Variants in FMN2 observed in about 807,000 individuals in gnomAD.
The protein encoded by FMN2 is formin 2.
In FMN2, 51 loss-of-function variants were observed where a neutral mutation model predicts 142.3. That is an observed-to-expected ratio of 0.36 (90% CI 0.29 to 0.45). The LOEUF (loss-of-function observed/expected upper bound fraction) is 0.45. Ranked by LOEUF, FMN2 falls within the 20% of genes least tolerant of loss-of-function variation. The probability of loss-of-function intolerance (pLI) is 1.00; values close to 1 mark genes in which losing one functional copy is unlikely to be tolerated. For missense variants in FMN2, 1,936 were observed against 2,122.8 expected (o/e 0.91, Z 1.73); for synonymous variants, 882 against 869.8 (o/e 1.01, Z -0.25).
intron 7 of FMN2, chr1:240,285,308 A>G (rs761934199): frequency 2.6e-5 from 12 of 455,192 alleles, no homozygotes; most frequent in Non-Finnish European, 4.9e-5. Context: ...AGTTCCTCTG[A>G]ACACCAAGCA....
chr1:240,144,809 T>C, intron 2 of FMN2: 2 of 1,432,352 alleles, frequency 1.4e-6, no homozygotes, highest in East Asian at 4.6e-5. Context: ...GACGATTTCC[T>C]TCACCAGAGT....
chr1:240,152,403 C>T (rs1369633312), intron 2 of FMN2, among the ~76,000 whole-genome samples: 1 of 152,114 alleles, frequency 6.6e-6, no homozygotes, highest in East Asian at 1.9e-4. Context: ...AAATTCACCC[C>T]ACTCTAATTC....
chr1:240,423,407 A>C (rs1256610694), intron 15 of FMN2, among the ~76,000 whole-genome samples: 1 of 152,230 alleles, frequency 6.6e-6, no homozygotes, highest in Non-Finnish European at 1.5e-5. Flanking sequence ...GCACAATAAA[A>C]AACGCAAAAG....
intron 15 of FMN2, among the ~76,000 whole-genome samples, chr1:240,421,386 C>A (rs750453624): frequency 6.6e-6 from 1 of 152,090 alleles, no homozygotes; most frequent in African/African-American, 2.4e-5. Context: ...TAATATAACA[C>A]GTTCAAATTA....
At chr1:240,376,961 C>A (rs1046982904) in intron 14 of FMN2, among the ~76,000 whole-genome samples, 1 of 152,062 alleles carries the variant, frequency 6.6e-6, no homozygotes, top group African/African-American at 2.4e-5. Context: ...TGTCATTCTC[C>A]CTTCTGTTGT....
chr1:240,185,248 A>C (rs1474518476), intron 3 of FMN2, among the ~76,000 whole-genome samples: 1 of 145,874 alleles, frequency 6.9e-6, no homozygotes, highest in Admixed American at 6.9e-5. Context: ...CTTTTTCCTT[A>C]TCATGTATTT....
At chr1:240,376,799 TC>T (rs1673061080) in intron 14 of FMN2, among the ~76,000 whole-genome samples, 1 of 152,178 alleles carries the variant, frequency 6.6e-6, no homozygotes, top group Non-Finnish European at 1.5e-5. Flanking sequence ...CTATATTTCA[TC>T]TTATTTCCAC....
intron 8 of FMN2, among the ~76,000 whole-genome samples, chr1:240,323,050 T>C (rs1456431977): frequency 6.6e-6 from 1 of 152,144 alleles, no homozygotes; most frequent in Non-Finnish European, 1.5e-5. Flanking sequence ...TTTTAGTTCC[T>C]TTTCTTCTCT....
At chr1:240,442,428 T>A (rs1446140944) in intron 16 of FMN2, among the ~76,000 whole-genome samples, 1 of 152,190 alleles carries the variant, frequency 6.6e-6, no homozygotes, top group Non-Finnish European at 1.5e-5. Context: ...TGATCAACAG[T>A]TCCCTTCAGA....
At chr1:240,302,789 A>T (rs1044529355) in intron 8 of FMN2, among the ~76,000 whole-genome samples, 2 of 152,092 alleles carry the variant, frequency 1.3e-5, no homozygotes, top group African/African-American at 2.4e-5. Flanking sequence ...CCTGATATCT[A>T]AGTATAACTA....
intron 13 of FMN2, among the ~76,000 whole-genome samples, chr1:240,355,387 A>T (rs1475938019): frequency 1.3e-5 from 2 of 152,186 alleles, no homozygotes; most frequent in Non-Finnish European, 2.9e-5. Context: ...GATACTGATG[A>T]TGATGGTGAT....
intron 2 of FMN2, among the ~76,000 whole-genome samples, chr1:240,175,672 G>A (rs990111139): frequency 6.6e-6 from 1 of 151,652 alleles, no homozygotes; most frequent in African/African-American, 2.4e-5. Context: ...GTAGAGATGA[G>A]GTTTTGCCAT....
chr1:240,098,016 A>ACTAGCTAAT (rs1661274669), intron 1 of FMN2, among the ~76,000 whole-genome samples: 1 of 151,862 alleles, frequency 6.6e-6, no homozygotes, highest in South Asian at 2.1e-4. Flanking sequence ...CTTTTGGAGG[A>ACTAGCTAAT]CTAGCTAATT....
At chr1:240,334,299 GTTTT>G in intron 13 of FMN2, 70 bp downstream of exon 13, 1 of 1,431,874 alleles carries the variant, frequency 7.0e-7, no homozygotes, top group Non-Finnish European at 9.2e-7. Context: ...ACTTTTCAAT[GTTTT>G]TAGAGAAAAG....
chr1:240,201,465 A>G (rs1666118705), intron 4 of FMN2, among the ~76,000 whole-genome samples: 1 of 152,192 alleles, frequency 6.6e-6, no homozygotes, highest in Non-Finnish European at 1.5e-5. Flanking sequence ...ATGATGTGAC[A>G]GATGTATTTA....
At chr1:240,343,129 C>T (rs6692418) in intron 13 of FMN2, among the ~76,000 whole-genome samples, 113,582 of 152,066 alleles carry the variant, frequency 0.75, 43,431 homozygotes, top group African/African-American at 0.91. Context: ...AAACCTGAGA[C>T]GGGGCTCATT....
At chr1:240,289,777 T>C (rs1669715490) in intron 7 of FMN2, among the ~76,000 whole-genome samples, 1 of 152,194 alleles carries the variant, frequency 6.6e-6, no homozygotes. Context: ...TGTCTAATAA[T>C]GTTTTGTTGA....
intron 14 of FMN2, among the ~76,000 whole-genome samples, chr1:240,367,786 A>G (rs1485288996): frequency 1.3e-5 from 2 of 151,552 alleles, no homozygotes; most frequent in African/African-American, 2.4e-5. Flanking sequence ...AAAAAAAAAA[A>G]AAAAAGAAAT....
intron 8 of FMN2, among the ~76,000 whole-genome samples, chr1:240,325,343 C>A (rs1435727292): frequency 0.011 from 1,206 of 107,320 alleles, no homozygotes; most frequent in South Asian, 0.013. Context: ...ACCCTGTCTC[C>A]AAAAAAAAAA....
Sources: gnomAD v4.1 joint callset for allele counts (sites outside exome capture counted in the v4.1 genomes callset) on GRCh38, gnomAD v4.1.1 for gene constraint, MANE v1.5 for transcripts, NCBI Gene and HGNC (gene_info 2026-07-23, HGNC 2026-07-21) for gene names.